Variants in CECR2 observed in about 807,000 individuals in gnomAD.
The protein encoded by CECR2 is chromatin remodeling regulator CECR2.
A neutral mutation model predicts 154.5 loss-of-function variants in CECR2; 30 were observed. The ratio of observed to expected loss-of-function variants is 0.19; its 90% CI spans 0.15 to 0.26. CECR2 has a LOEUF of 0.26. Ranked by LOEUF, CECR2 falls within the 10% of genes least tolerant of loss-of-function variation. The probability of loss-of-function intolerance (pLI) is 1.00; values close to 1 mark genes in which losing one functional copy is unlikely to be tolerated. For missense variants in CECR2, 1,743 were observed against 1,829.3 expected (o/e 0.95, Z 0.86); for synonymous variants, 725 against 683.7 (o/e 1.06, Z -0.94).
At chr22:17,367,234 C>T (rs926422967), upstream of CECR2, among the ~76,000 whole-genome samples, 9 of 152,112 alleles carry the variant, frequency 5.9e-5, no homozygotes, top group African/African-American at 1.9e-4. Context: ...TAAAAGGTAG[C>T]CAAATCATCT....
At chr22:17,405,635 A>T (rs2053971828) in intron 1 of CECR2, among the ~76,000 whole-genome samples, 1 of 119,994 alleles carries the variant, frequency 8.3e-6, no homozygotes, top group Admixed American at 9.7e-5. Flanking sequence ...GTGAGACTCC[A>T]TCTCAAAAAA....
intron 8 of CECR2, among the ~76,000 whole-genome samples, chr22:17,522,984 G>GACAA (rs1299642187): frequency 7.4e-5 from 11 of 148,866 alleles, no homozygotes; most frequent in African/African-American, 2.7e-4. Flanking sequence ...CAGCCTTGGT[G>GACAA]ACAAAGCAAG....
intron 9 of CECR2, among the ~76,000 whole-genome samples, chr22:17,525,717 T>C (rs1041914713): frequency 6.6e-6 from 1 of 152,254 alleles, no homozygotes; most frequent in African/African-American, 2.4e-5. Context: ...CAGTGCCACA[T>C]TTAAATTCCT....
chr22:17,487,428 G>A (rs1228181014), intron 2 of CECR2, among the ~76,000 whole-genome samples: 1 of 152,146 alleles, frequency 6.6e-6, no homozygotes, highest in African/African-American at 2.4e-5. Context: ...GGTTGGGCGC[G>A]GTGGCTCATG....
chr22:17,488,177 C>G (rs890445075), intron 2 of CECR2, among the ~76,000 whole-genome samples: 1 of 152,160 alleles, frequency 6.6e-6, no homozygotes, highest in Non-Finnish European at 1.5e-5. Flanking sequence ...GCCACCGCAC[C>G]CGGCCTCATT....
Position 17,554,960 on chromosome 22 carries a change from G to C in CECR2, c.*2120G>C, listed in dbSNP as rs1055428667. 6 of 152,252 alleles carry C rather than the reference G, an allele frequency of 3.9e-5. 1 individual carries two copies. The highest frequency in any genetic ancestry group is 3.3e-4 in the Admixed American group (5 of 15,278). 9.4% of individuals were successfully genotyped at this position (152,252 alleles called of 1,614,324 possible). A position where few individuals can be genotyped will look rare whatever the true frequency, so the allele number is the denominator to read the frequency against. ...GGCCCAGAGAATTTGGCCACTGACA[G>C]CCTTTCTCTTTTCCTGGTAATGCTG... On this transcript the variant is annotated 3_prime_UTR_variant, in exon 19 of 19. Coordinates refer to ENST00000262608, the MANE Select transcript of CECR2 (RefSeq NM_001290047.2).
chr22:17,414,543 T>A (rs1001458932), intron 1 of CECR2, among the ~76,000 whole-genome samples: 1 of 151,806 alleles, frequency 6.6e-6, no homozygotes, highest in African/African-American at 2.4e-5. Flanking sequence ...TACTTTAAGT[T>A]CTAGGGTACA....
At chr22:17,528,166 C>G (rs1348564202) in intron 9 of CECR2, among the ~76,000 whole-genome samples, 3 of 151,650 alleles carry the variant, frequency 2.0e-5, no homozygotes, top group Non-Finnish European at 4.4e-5. Flanking sequence ...AAGTGTCCGT[C>G]AGCAAATGAA....
At chr22:17,535,069 T>G (rs2056417627) in intron 9 of CECR2, among the ~76,000 whole-genome samples, 1 of 151,634 alleles carries the variant, frequency 6.6e-6, no homozygotes, top group African/African-American at 2.4e-5. Context: ...GAGAATGACG[T>G]GAACCCAGGA....
chr22:17,499,355 T>C, intron 3 of CECR2, 55 bp from the exon 4 acceptor site: 1 of 1,573,092 alleles, frequency 6.4e-7, no homozygotes, highest in Non-Finnish European at 8.6e-7. Flanking sequence ...TCTGGTTTTT[T>C]CCTGGTGCGT....
In CECR2 at chr22:17,434,216, C is replaced by T. The variant is rs117192593; in HGVS notation, c.127-43372C>T. ...GTTAAAGCATGGTGTGACTATTGTT[C>T]TGTCAAGGTGAGTGGGAACACAGAG... On this transcript the variant is annotated intron_variant, in intron 1 of 18. Coordinates refer to ENST00000262608, the MANE Select transcript of CECR2 (RefSeq NM_001290047.2). Among the ~76,000 whole-genome samples, 1,265 of 152,230 alleles carry T rather than the reference C, an allele frequency of 8.3e-3. 67 individuals carry two copies. In the East Asian group the frequency reaches 0.15, roughly 18 times the overall value.
chr22:17,378,238 C>T (rs2063142999), intron 1 of CECR2, among the ~76,000 whole-genome samples: 2 of 150,644 alleles, frequency 1.3e-5, no homozygotes, highest in South Asian at 4.2e-4. Flanking sequence ...CCGCCTTGGC[C>T]TCCCAAAGTG....
At position 17,409,408 on chromosome 22, in the gene CECR2, T is replaced by C. The variant is rs1001196754; in HGVS notation, c.126+39499T>C. On this transcript the variant is annotated intron_variant, in intron 1 of 18. Transcript: ENST00000262608. The stretch of plus-strand genomic sequence containing the variant: ...CCACCACACCCAGCTAATTTTTGTA[T>C]TTTTAGTAGAGATGGGGTTTCACCA... 0.014 allele frequency among the ~76,000 whole-genome samples: 1,552 copies of C among 110,882 alleles called. 350 individuals are homozygous for C. In the East Asian group the frequency reaches 0.16, roughly 12 times the overall value. The allele number at this position is 110,882 out of a possible 152,430, so 72.7% of individuals were successfully genotyped here.
At chr22:17,383,658 T>A (rs994219585) in intron 1 of CECR2, among the ~76,000 whole-genome samples, 1 of 28,502 alleles carries the variant, frequency 3.5e-5, no homozygotes, top group Admixed American at 3.6e-4. Context: ...TCAGGTCCAC[T>A]TTTTTTTTTT....
chr22:17,393,622 C>A (rs998488020), intron 1 of CECR2, among the ~76,000 whole-genome samples: 1 of 152,186 alleles, frequency 6.6e-6, no homozygotes, highest in Non-Finnish European at 1.5e-5. Flanking sequence ...ATGTGCCCAT[C>A]AGCAGTATAT....
intron 1 of CECR2, among the ~76,000 whole-genome samples, chr22:17,407,905 G>T (rs2054009074): frequency 6.6e-6 from 1 of 152,166 alleles, no homozygotes; most frequent in Non-Finnish European, 1.5e-5. Context: ...AGAAACGCTG[G>T]TCTGAAGCCA....
At chr22:17,377,143 T>A (rs2063128277) in intron 1 of CECR2, among the ~76,000 whole-genome samples, 1 of 152,216 alleles carries the variant, frequency 6.6e-6, no homozygotes, top group Non-Finnish European at 1.5e-5. Context: ...AGAAAATTGC[T>A]GACTCACCAG....
Position 17,500,700 on chromosome 22 carries a change from A to T in CECR2, c.615A>T (p.Pro205=). ...GKTGKRRGRP[P]KRKKLQEEIL... ...CGGGAAAAAGAAGAGGAAGACCCCC[A>T]AAACGGAAGAAACTGCAGGAGGAGA... Residue 205 remains proline (P), a synonymous_variant, in exon 5 of 19, where the codon CCA becomes CCT. Coordinates refer to ENST00000262608, the MANE Select transcript of CECR2 (RefSeq NM_001290047.2). 6.4e-7 allele frequency: 1 copy of T among 1,556,134 alleles called. No homozygotes were observed. Among genetic ancestry groups the T allele is most frequent in the Non-Finnish European group, 8.7e-7 (1 of 1,149,924 alleles).
In CECR2 at chr22:17,555,332, CTG is replaced by C. The variant is rs1184754607; in HGVS notation, c.*2495_*2496del. 1 of 152,270 alleles carries C rather than the reference CTG, an allele frequency of 6.6e-6. No homozygotes were observed. The highest frequency in any genetic ancestry group is 6.5e-5 in the Admixed American group (1 of 15,284). 9.4% of individuals were successfully genotyped at this position (152,270 alleles called of 1,614,324 possible). ...GAAATAGAACTACTGTATTATAACACTGTGAACAAGAACATCAGCAGCAGCAG... is the reference window on the plus strand; with the variant it reads ...GAAATAGAACTACTGTATTATAACACTGAACAAGAACATCAGCAGCAGCAG... On this transcript the variant is annotated 3_prime_UTR_variant, in exon 19 of 19. Coordinates refer to ENST00000262608, the MANE Select transcript of CECR2 (RefSeq NM_001290047.2).
Sources: allele counts gnomAD v4.1 joint callset (sites outside exome capture counted in the v4.1 genomes callset), GRCh38; gene constraint gnomAD v4.1.1; transcripts MANE v1.5; gene names NCBI Gene and HGNC (gene_info 2026-07-23, HGNC 2026-07-21).